The following ZNF595 variants were observed in gnomAD, a reference collection of about 807,000 sequenced individuals.
ZNF595 encodes zinc finger protein 595.
Under a neutral mutation model 19.4 loss-of-function variants are expected in ZNF595, and 9 were observed. That is an observed-to-expected ratio of 0.46 (90% CI 0.28 to 0.81). The LOEUF (loss-of-function observed/expected upper bound fraction) is 0.81, where lower values mean the gene tolerates loss of function less well. Among genes scored for constraint, ZNF595 ranks in the 30% least tolerant of loss-of-function variants. ZNF595 has a pLI of 0.11. For synonymous variants in ZNF595, 255 were observed against 255.9 expected (o/e 1.00, Z 0.03); for missense variants, 729 against 736.0 (o/e 0.99, Z 0.11).
intron 3 of ZNF595, among the ~76,000 whole-genome samples, chr4:70,850 A>G (rs1214505860): frequency 6.6e-6 from 1 of 152,188 alleles, no homozygotes; most frequent in Non-Finnish European, 1.5e-5. Flanking sequence ...GGTTCTGTCT[A>G]CATTGTAGAA....
At chr4:80,885 A>G (rs1271077769) in intron 3 of ZNF595, among the ~76,000 whole-genome samples, 1 of 151,514 alleles carries the variant, frequency 6.6e-6, no homozygotes, top group East Asian at 1.9e-4. Flanking sequence ...ACATAAGTAT[A>G]CATGCGCCAT....
Position 85,843 on chromosome 4 carries a change from A to G in ZNF595, c.339A>G (p.Leu113=). ...YEKCGHENLQ[L]RKGCKRVNEC... is the part of the protein sequence containing the mutation. ...AATGTGGACATGAGAATTTACAATT[A>G]AGAAAAGGCTGTAAACGTGTGAATG... Residue 113 remains leucine (L), a synonymous_variant, in exon 4 of 4, where the codon TTA becomes TTG. Coordinates refer to ENST00000610261, the MANE Select transcript of ZNF595 (RefSeq NM_182524.4). 1 of 1,614,088 alleles carries G rather than the reference A, an allele frequency of 6.2e-7. No individual in the cohort carries two copies. Among genetic ancestry groups the G allele is most frequent in the African/African-American group, 1.3e-5 (1 of 75,056 alleles).
At chr4:62,006 A>T (rs1192129869) in intron 3 of ZNF595, among the ~76,000 whole-genome samples, 11 of 119,946 alleles carry the variant, frequency 9.2e-5, no homozygotes, top group Non-Finnish European at 1.3e-4. Context: ...ATAGATAACC[A>T]TTTTTTTTTT....
At chr4:71,388 A>G (rs1474727690) in intron 3 of ZNF595, among the ~76,000 whole-genome samples, 1 of 152,152 alleles carries the variant, frequency 6.6e-6, no homozygotes, top group African/African-American at 2.4e-5. Context: ...GAAAGTATGC[A>G]TCTTTTGTGC....
chr4:74,168 G>C (rs1553798306), intron 3 of ZNF595, among the ~76,000 whole-genome samples: 1 of 151,792 alleles, frequency 6.6e-6, no homozygotes, highest in Non-Finnish European at 1.5e-5. Flanking sequence ...AAATTAGCTT[G>C]GCAAGGTGGT....
At chr4:68,762 T>A (rs1225282626) in intron 3 of ZNF595, among the ~76,000 whole-genome samples, 1 of 152,356 alleles carries the variant, frequency 6.6e-6, no homozygotes, top group East Asian at 1.9e-4. Context: ...TTACGAACAA[T>A]CTAATAACAT....
intron 3 of ZNF595, among the ~76,000 whole-genome samples, chr4:70,412 A>G (rs1406508230): frequency 6.6e-6 from 1 of 151,078 alleles, no homozygotes; most frequent in Non-Finnish European, 1.5e-5. Context: ...GTCTTGGCTC[A>G]CTGCAACCTC....
At chr4:82,383 T>G (rs1258021528) in intron 3 of ZNF595, among the ~76,000 whole-genome samples, 1 of 115,066 alleles carries the variant, frequency 8.7e-6, no homozygotes, top group Non-Finnish European at 1.8e-5. Context: ...TTTTTTTTTT[T>G]TTTTTTTTTT....
In ZNF595 at chr4:86,205, G is replaced by A. The variant is rs1287258618; in HGVS notation, c.701G>A (p.Gly234Asp). Reference sequence around the variant, plus strand: ...AAACCCTACACATGTGAAGAATGTGGCAAAGCCTTTAGACGGTCCACAGTT... The same window carrying A: ...AAACCCTACACATGTGAAGAATGTGACAAAGCCTTTAGACGGTCCACAGTT... ...GEKPYTCEECGKAFRRSTVLN... is the reference protein window; with the variant it reads ...GEKPYTCEECDKAFRRSTVLN... The change falls in exon 4 of 4, where the codon GGC becomes GAC. Residue 234 changes from glycine (G) to aspartate (D), a missense_variant. Transcript: ENST00000610261. The A allele has an allele frequency of 8.1e-6, 13 of 1,613,812 alleles. No individual in the cohort carries two copies. The highest frequency in any genetic ancestry group is 1.0e-5 in the Non-Finnish European group (12 of 1,179,856).
chr4:70,242 A>G (rs1713371236), intron 3 of ZNF595, among the ~76,000 whole-genome samples: 2 of 152,046 alleles, frequency 1.3e-5, no homozygotes. Context: ...TCTCTAATCC[A>G]TTTTGATTTA....
At position 86,244 on chromosome 4, in the gene ZNF595, A is replaced by T; in HGVS notation, c.740A>T (p.Lys247Met). 1 of 1,611,722 alleles carries T rather than the reference A, an allele frequency of 6.2e-7. No individual in the cohort carries two copies. Among genetic ancestry groups the T allele is most frequent in the African/African-American group, 1.3e-5 (1 of 74,976 alleles). The change falls in exon 4 of 4, where the codon AAG becomes ATG. Residue 247 changes from lysine (K) to methionine (M), a missense_variant. Lys to Met is a moderately conservative substitution (Grantham distance 95). Transcript: ENST00000610261. ...CGGTCCACAGTTCTGAACGAACATA[A>T]GAAAATTCATACTGGAGAGAAACCC... ...FRRSTVLNEH[K>M]KIHTGEKPYK...
intron 3 of ZNF595, among the ~76,000 whole-genome samples, chr4:71,574 C>G (rs1713433136): frequency 6.6e-6 from 1 of 152,116 alleles, no homozygotes; most frequent in South Asian, 2.1e-4. Context: ...CTTGGAATGT[C>G]TAGGGAATGA....
chr4:67,096 G>A (rs1713153261), intron 3 of ZNF595, among the ~76,000 whole-genome samples: 2 of 141,708 alleles, frequency 1.4e-5, no homozygotes, highest in Admixed American at 1.5e-4. Context: ...AGTTTCACAG[G>A]TTTTTGGATT....
chr4:86,201 T>C lies in ZNF595; in HGVS notation c.697T>C (p.Cys233Arg). 1 of 1,613,834 alleles carries C rather than the reference T, an allele frequency of 6.2e-7. No homozygotes were observed. The change falls in exon 4 of 4, where the codon TGT becomes CGT. Residue 233 changes from cysteine (C) to arginine (R), a missense_variant. Physicochemically the swap from Cys to Arg is radical, Grantham distance 180. This residue lies in a region of ZNF595 where 729 missense variants were observed against 675.3 expected (regional missense o/e 1.08). Coordinates refer to ENST00000610261, the MANE Select transcript of ZNF595 (RefSeq NM_182524.4). The stretch of plus-strand genomic sequence containing the variant: ...AGAGAAACCCTACACATGTGAAGAA[T>C]GTGGCAAAGCCTTTAGACGGTCCAC... ...TGEKPYTCEE[C>R]GKAFRRSTVL... is the part of the protein sequence containing the mutation.
Position 78,609 on chromosome 4 carries a change from G to A in ZNF595, c.227-7122G>A, listed in dbSNP as rs555126928. Among the ~76,000 whole-genome samples, 4 of 152,322 alleles carry A rather than the reference G, an allele frequency of 2.6e-5. No individual in the cohort carries two copies. The East Asian group carries it at 7.7e-4, about 29-fold the overall frequency. The stretch of plus-strand genomic sequence containing the variant: ...CTATTCGATTATATGTTCTGTGAGA[G>A]AAACAGTTTTGTTATTTGAAGGTGA... On this transcript the variant is annotated intron_variant, in intron 3 of 3. Transcript: ENST00000610261.
At chr4:85,191 C>T (rs566173083) in intron 3 of ZNF595, among the ~76,000 whole-genome samples, 1 of 152,292 alleles carries the variant, frequency 6.6e-6, no homozygotes, top group African/African-American at 2.4e-5. Flanking sequence ...AGTCACTCTT[C>T]TACCTATTCC....
intron 3 of ZNF595, among the ~76,000 whole-genome samples, chr4:81,520 G>A (rs1448102793): frequency 6.6e-6 from 1 of 152,106 alleles, no homozygotes; most frequent in Admixed American, 6.5e-5. Flanking sequence ...TCTTACCACT[G>A]TATCTGTTTT....
chr4:74,451 A>G (rs879990179), intron 3 of ZNF595, among the ~76,000 whole-genome samples: 9 of 152,196 alleles, frequency 5.9e-5, no homozygotes, highest in Admixed American at 5.2e-4. Context: ...CTGTTTTTCT[A>G]CATCTGTTAA....
chr4:79,378 C>T (rs868942731), intron 3 of ZNF595, among the ~76,000 whole-genome samples: 2 of 152,130 alleles, frequency 1.3e-5, no homozygotes, highest in African/African-American at 4.8e-5. Flanking sequence ...CAGGAATTGT[C>T]TTTTGTAAAT....
Sources: allele counts gnomAD v4.1 joint callset (sites outside exome capture counted in the v4.1 genomes callset), GRCh38; gene constraint gnomAD v4.1.1; regional missense constraint gnomAD v4.1.1; transcripts MANE v1.5; gene names NCBI Gene and HGNC (gene_info 2026-07-23, HGNC 2026-07-21).